The following CYBRD1 variants were observed in gnomAD, a reference collection of about 807,000 sequenced individuals.
The protein encoded by CYBRD1 is plasma membrane ascorbate-dependent reductase CYBRD1.
CYBRD1 carries 14 observed loss-of-function variants against 21.9 expected under a neutral mutation model. The observed-to-expected ratio is 0.64, with a 90% CI of 0.42 to 1.00. CYBRD1 has a LOEUF of 1.00. Among genes scored for constraint, CYBRD1 ranks in the 50% least tolerant of loss-of-function variants. The pLI is 0.00. For synonymous variants in CYBRD1, 146 were observed against 136.5 expected (o/e 1.07, Z -0.48); for missense variants, 328 against 352.5 (o/e 0.93, Z 0.56).
In CYBRD1 at chr2:171,554,962, A is replaced by G. The variant is rs1287473378; in HGVS notation, c.*135A>G. On this transcript the variant is annotated 3_prime_UTR_variant, in exon 4 of 4. Transcript: ENST00000321348. ...TTAATCACAAAGGATGGTTTCTTGA[A>G]ATAATTTGTATTGATTGAGGCCTAT... 3.1e-6 allele frequency: 3 copies of G among 980,390 alleles called. No homozygotes were observed. Among genetic ancestry groups the G allele is most frequent in the Non-Finnish European group, 4.6e-6 (3 of 646,430 alleles). 60.7% of individuals were successfully genotyped at this position (980,390 alleles called of 1,614,324 possible). A position where few individuals can be genotyped will look rare whatever the true frequency, so the allele number is the denominator to read the frequency against.
rs752248111 is a variant in CYBRD1, at chr2:171,522,518, C to T, written c.-28C>T. ...CCGCCGCCTCTCCAAGTTCTTGTGG[C>T]CCCCGCGGTGCGGAGTATGGGGCGC... On this transcript the variant is annotated 5_prime_UTR_variant, in exon 1 of 4. Transcript: ENST00000321348. The surrounding 1 kb of genome is among the most constrained non-coding windows in gnomAD (Gnocchi z 4.3). 8.3e-5 allele frequency: 130 copies of T among 1,571,354 alleles called. No homozygotes were observed. Among genetic ancestry groups the T allele is most frequent in the African/African-American group, 4.4e-4 (33 of 74,432 alleles).
At chr2:171,551,103 T>A (rs2105346447) in intron 2 of CYBRD1, 2 of 177,948 alleles carry the variant, frequency 1.1e-5, no homozygotes, top group Non-Finnish European at 1.2e-5. Flanking sequence ...ACCACAGACG[T>A]GCACCACCAT....
intron 1 of CYBRD1, among the ~76,000 whole-genome samples, chr2:171,537,617 A>T (rs1015454354): frequency 3.9e-5 from 6 of 152,236 alleles, no homozygotes; most frequent in African/African-American, 1.4e-4. Flanking sequence ...AGAGGATTGT[A>T]TCAATGTCAA....
intron 1 of CYBRD1, among the ~76,000 whole-genome samples, chr2:171,534,489 G>A (rs1033818630): frequency 3.3e-5 from 5 of 152,188 alleles, no homozygotes; most frequent in Admixed American, 1.3e-4. Flanking sequence ...TTCTCCCAAA[G>A]TCCACCATAT....
chr2:171,543,621 A>C (rs1697668912), intron 2 of CYBRD1, among the ~76,000 whole-genome samples: 1 of 152,208 alleles, frequency 6.6e-6, no homozygotes, highest in Non-Finnish European at 1.5e-5. Flanking sequence ...ATTAAACAAG[A>C]TGTTTAATTA....
chr2:171,526,085 G>C (rs1697382398), intron 1 of CYBRD1, among the ~76,000 whole-genome samples: 1 of 152,062 alleles, frequency 6.6e-6, no homozygotes, highest in East Asian at 1.9e-4. Flanking sequence ...TGGCCAACAT[G>C]GTGAAACACT....
At chr2:171,540,540 CCTT>C (rs1697614206) in intron 1 of CYBRD1, among the ~76,000 whole-genome samples, 1 of 152,012 alleles carries the variant, frequency 6.6e-6, no homozygotes, top group African/African-American at 2.4e-5. Flanking sequence ...CATAACTTTA[CCTT>C]AAGTAGATAC....
intron 2 of CYBRD1, among the ~76,000 whole-genome samples, chr2:171,548,129 A>T (rs1697745085): frequency 1.3e-5 from 2 of 152,002 alleles, no homozygotes; most frequent in South Asian, 2.1e-4. Context: ...ATTTATTTTT[A>T]ATTTTTTTTT....
At chr2:171,532,618 G>A (rs575616821) in intron 1 of CYBRD1, among the ~76,000 whole-genome samples, 3 of 151,740 alleles carry the variant, frequency 2.0e-5, no homozygotes, top group East Asian at 1.9e-4. Context: ...TGAACATCAC[G>A]GCAAAACCCT....
chr2:171,546,922 G>A (rs2105343420), intron 2 of CYBRD1, among the ~76,000 whole-genome samples: 1 of 152,256 alleles, frequency 6.6e-6, no homozygotes, highest in Non-Finnish European at 1.5e-5. Context: ...GGCTGGACAG[G>A]TATAATTATA....
In CYBRD1 at chr2:171,555,191, C is replaced by A; in HGVS notation, c.*364C>A. On this transcript the variant is annotated 3_prime_UTR_variant, in exon 4 of 4. Coordinates refer to ENST00000321348, the MANE Select transcript of CYBRD1 (RefSeq NM_024843.4). ...CTGGCCTGTTGTCATGCAGTCATTT[C>A]CTGTTAATTCTGGGAGACAATGATT... The A allele has an allele frequency of 3.6e-6, 1 of 279,880 alleles. No individual in the cohort carries two copies. The allele number at this position is 279,880 out of a possible 1,614,324, so 17.3% of individuals were successfully genotyped here.
In CYBRD1 at chr2:171,554,673, A is replaced by T. The variant is rs763520436; in HGVS notation, c.707A>T (p.His236Leu). The change falls in exon 4 of 4, where the codon CAT becomes CTT. Residue 236 changes from histidine (H) to leucine (L), a missense_variant. His to Leu is a moderately conservative substitution (Grantham distance 99). Coordinates refer to ENST00000321348, the MANE Select transcript of CYBRD1 (RefSeq NM_024843.4). The part of the protein sequence containing the change: ...RPKEPNSTIL[H>L]PNGGTEQGAR... ...AAGGAGCCAAATTCTACCATTCTTC[A>T]TCCAAATGGAGGCACTGAACAGGGA... The T allele has an allele frequency of 6.8e-6, 11 of 1,614,060 alleles. No individual in the cohort carries two copies. The highest frequency in any genetic ancestry group is 9.3e-6 in the Non-Finnish European group (11 of 1,179,980).
intron 2 of CYBRD1, among the ~76,000 whole-genome samples, chr2:171,546,576 C>G (rs2105343171): frequency 6.6e-6 from 1 of 152,292 alleles, no homozygotes; most frequent in Middle Eastern, 3.4e-3. Context: ...AGATACCTTG[C>G]TAGGCTGGGC....
At chr2:171,525,888 G>A (rs570921051) in intron 1 of CYBRD1, among the ~76,000 whole-genome samples, 62 of 149,592 alleles carry the variant, frequency 4.1e-4, no homozygotes, top group African/African-American at 1.5e-3. Context: ...CGGAGGTTGC[G>A]GTGAGTCGAG....
At chr2:171,552,434 G>C (rs1209198335) in intron 2 of CYBRD1, among the ~76,000 whole-genome samples, 4 of 152,042 alleles carry the variant, frequency 2.6e-5, no homozygotes, top group Non-Finnish European at 5.9e-5. Flanking sequence ...CCCTTCTTCT[G>C]TCTCCCCATT....
rs771228670 is a variant in CYBRD1, at chr2:171,554,690, G to A, written c.724G>A (p.Glu242Lys). The change falls in exon 4 of 4, where the codon GAA (glutamate) becomes AAA (lysine). Residue 242 changes from glutamate (E) to lysine (K), a missense_variant. Physicochemically the swap from Glu to Lys is moderately conservative, Grantham distance 56. Transcript: ENST00000321348. ...STILHPNGGT[E>K]QGARGSMPAY... The stretch of plus-strand genomic sequence containing the variant: ...CATTCTTCATCCAAATGGAGGCACT[G>A]AACAGGGAGCAAGAGGTTCCATGCC... 5 of 1,614,060 alleles carry A rather than the reference G, an allele frequency of 3.1e-6. No individual in the cohort carries two copies. Among genetic ancestry groups the A allele is most frequent in the Non-Finnish European group, 4.2e-6 (5 of 1,179,992 alleles).
At chr2:171,553,558 T>G in intron 3 of CYBRD1, 58 bp downstream of exon 3, 1 of 1,457,636 alleles carries the variant, frequency 6.9e-7, no homozygotes. Flanking sequence ...TAAATACTTG[T>G]TCACTGGGAA....
At chr2:171,541,822 G>A (rs1460146593) in intron 2 of CYBRD1, 29 bp downstream of exon 2, 1 of 1,432,756 alleles carries the variant, frequency 7.0e-7, no homozygotes, top group Non-Finnish European at 9.8e-7. Flanking sequence ...TTACAAGCAA[G>A]TTATAAAAAC....
chr2:171,532,885 G>GTT (rs1697489811), intron 1 of CYBRD1, among the ~76,000 whole-genome samples: 1 of 141,306 alleles, frequency 7.1e-6, no homozygotes, highest in Non-Finnish European at 1.5e-5. Flanking sequence ...ATGTGTGTGT[G>GTT]TGTGTGTGTG....
Sources: allele counts gnomAD v4.1 joint callset (sites outside exome capture counted in the v4.1 genomes callset), GRCh38; gene constraint gnomAD v4.1.1; non-coding constraint Gnocchi (gnomAD v3.1); transcripts MANE v1.5; gene names NCBI Gene and HGNC (gene_info 2026-07-23, HGNC 2026-07-21).